The following CARNS1 variants were observed in gnomAD, a reference collection of about 807,000 sequenced individuals.
The protein encoded by CARNS1 is ATP-grasp domain containing 1.
A neutral mutation model predicts 74.0 loss-of-function variants in CARNS1; 61 were observed. The ratio of observed to expected loss-of-function variants is 0.82; its 90% CI spans 0.67 to 1.02. The LOEUF (loss-of-function observed/expected upper bound fraction) is 1.02. Ranked by LOEUF, CARNS1 falls within the 50% of genes least tolerant of loss-of-function variation. The pLI is 0.00. For missense variants in CARNS1, 1,278 were observed against 1,308.4 expected (o/e 0.98, Z 0.36); for synonymous variants, 568 against 605.5 (o/e 0.94, Z 0.91).
At chr11:67,416,374 G>A in intron 2 of CARNS1, 172 bp downstream of exon 2, 4 of 1,451,876 alleles carry the variant, frequency 2.8e-6, no homozygotes, top group African/African-American at 2.8e-5. Flanking sequence ...CTGGGAGGTG[G>A]GCACTCTTAG....
Position 67,421,223 on chromosome 11 carries a change from GGCGGGGC to G in CARNS1, c.1626+13_1626+19del. 6 of 1,485,238 alleles carry G rather than the reference GGCGGGGC, an allele frequency of 4.0e-6. No homozygotes were observed. Among genetic ancestry groups the G allele is most frequent in the Non-Finnish European group, 5.3e-6 (6 of 1,124,790 alleles). 92.0% of individuals were successfully genotyped at this position (1,485,238 alleles called of 1,614,324 possible). ...GGCGCGCGACTACGGGCTCCAGGTGGGCGGGGCGCGGGGCGGGGCTGGGCCCCAGGTC... is the reference window on the plus strand; with the variant it reads ...GGCGCGCGACTACGGGCTCCAGGTGGGCGGGGCGGGGCTGGGCCCCAGGTC... On this transcript the variant is annotated splice_donor_5th_base_variant and intron_variant, in intron 9 of 9. Transcript: ENST00000687366.
chr11:67,423,936 G>T lies in CARNS1; in HGVS notation c.2188G>T (p.Gly730Cys). The T allele has an allele frequency of 6.2e-7, 1 of 1,613,666 alleles. No homozygotes were observed. ...CATGCTGCTGATGGAGTTTGTGGAG[G>T]GCACCGAGCACGACGTGGACCTGGT... ...NAMLLMEFVE[G>C]TEHDVDLVLF... is the part of the protein sequence containing the mutation. Residue 730 changes from glycine (G) to cysteine (C), a missense_variant, in exon 10 of 10, where the codon GGC (glycine) becomes TGC (cysteine). Gly to Cys is a radical substitution (Grantham distance 159, BLOSUM62 -3). Around this residue, in one of 3 missense-constraint regions of CARNS1, gnomAD observed 1,164 missense variants for 1,156.5 expected, o/e 1.01. Transcript: ENST00000687366. The surrounding 1 kb of genome is among the most constrained non-coding windows in gnomAD (Gnocchi z 5.1).
chr11:67,420,910 G>A (rs1313336925), intron 8 of CARNS1, 29 bp from the exon 9 acceptor site: 4 of 1,357,368 alleles, frequency 2.9e-6, no homozygotes, highest in Admixed American at 3.6e-5. Context: ...GGCTGCCGTA[G>A]CTGAGCTCGC....
At position 67,423,680 on chromosome 11, in the gene CARNS1, G is replaced by A. The variant is rs150747587; in HGVS notation, c.1932G>A (p.Ala644=). The A allele has an allele frequency of 3.3e-5, 53 of 1,595,130 alleles. No homozygotes were observed. The highest frequency in any genetic ancestry group is 2.0e-4 in the East Asian group (9 of 44,098). The change falls in exon 10 of 10, where the codon GCG becomes GCA. Residue 644 remains alanine, a synonymous_variant. Transcript: ENST00000687366. This position sits in a 1 kb window ranked among gnomAD's most constrained non-coding sequence, Gnocchi z 5.1. The stretch of plus-strand genomic sequence containing the variant: ...ACCACCATGGCCCACCCTGGCCTGC[G>A]CCCTCCCTCCATGCTGTGCCCTGCT... ...LLHHHGPPWP[A]PSLHAVPCCP... is the part of the protein sequence containing the mutation.
At position 67,424,777 on chromosome 11, in the gene CARNS1, GA is replaced by G. The variant is rs1316409181; in HGVS notation, c.*177del. The G allele has an allele frequency of 2.8e-6, 2 of 721,968 alleles. No individual in the cohort carries two copies. The highest frequency in any genetic ancestry group is 4.5e-6 in the Non-Finnish European group (2 of 444,410). 44.7% of individuals were successfully genotyped at this position (721,968 alleles called of 1,614,324 possible). On this transcript the variant is annotated 3_prime_UTR_variant, in exon 10 of 10. Coordinates refer to ENST00000687366, the MANE Select transcript of CARNS1 (RefSeq NM_001166222.2). Reference sequence around the variant, plus strand: ...GCAATTTAGACACCAAGGCATCCTGGACTCAAGGGCCTCTTGCCCTCCCGAA... The same window carrying G: ...GCAATTTAGACACCAAGGCATCCTGGCTCAAGGGCCTCTTGCCCTCCCGAA...
rs777494776 is a variant in CARNS1 at position 67,424,326 on chromosome 11, G to T, written c.2578G>T (p.Val860Leu). 3.7e-6 allele frequency: 6 copies of T among 1,610,424 alleles called. No homozygotes were observed. Among genetic ancestry groups the T allele is most frequent in the East Asian group, 4.5e-5 (2 of 44,866 alleles). The stretch of plus-strand genomic sequence containing the variant: ...CCGCCCACGTGCTCGTGGCCATCTG[G>T]TGGGCGTCATGTGCCTTGTGTCCCA... ...PTRPRARGHL[V>L]GVMCLVSQHL... The change falls in exon 10 of 10, where the codon GTG becomes TTG. Residue 860 changes from valine to leucine, a missense_variant. By Grantham distance (32) the Val-to-Leu change is conservative. Transcript: ENST00000687366.
Position 67,425,140 on chromosome 11 carries a change from A to G in CARNS1, c.*539A>G. On this transcript the variant is annotated 3_prime_UTR_variant, in exon 10 of 10. Coordinates refer to ENST00000687366, the MANE Select transcript of CARNS1 (RefSeq NM_001166222.2). ...CTGCCTCATTCGGCCTGACCGGTAG[A>G]GGCAGGTGGCCTGTGGACAGAAGTA... 2.2e-6 allele frequency: 1 copy of G among 452,618 alleles called. No individual in the cohort carries two copies. The highest frequency in any genetic ancestry group is 3.3e-4 in the Middle Eastern group (1 of 3,050). 28.0% of individuals were successfully genotyped at this position (452,618 alleles called of 1,614,324 possible). A position where few individuals can be genotyped will look rare whatever the true frequency, so the allele number is the denominator to read the frequency against.
Position 67,423,578 on chromosome 11 carries a change from G to T in CARNS1, c.1830G>T (p.Glu610Asp). The T allele has an allele frequency of 6.2e-7, 1 of 1,610,708 alleles. No homozygotes were observed. Among genetic ancestry groups the T allele is most frequent in the Non-Finnish European group, 8.5e-7 (1 of 1,178,610 alleles). The change falls in exon 10 of 10, where the codon GAG (glutamate) becomes GAT (aspartate). Residue 610 changes from glutamate to aspartate, a missense_variant. This residue lies in a region of CARNS1 where 1,164 missense variants were observed against 1,156.5 expected (regional missense o/e 1.01). Transcript: ENST00000687366. This position sits in a 1 kb window ranked among gnomAD's most constrained non-coding sequence, Gnocchi z 5.1. ...CLVLTALLCQ[E>D]LGLPCSSPAA... is the part of the protein sequence containing the mutation. ...TGCTCACAGCCCTGCTCTGCCAGGA[G>T]CTAGGTCTGCCCTGCAGCTCCCCAG...
rs1863537436 is a variant in CARNS1, at chr11:67,416,033, G to T, written c.-24-143G>T. The T allele has an allele frequency of 7.6e-6, 5 of 660,994 alleles. No individual in the cohort carries two copies. In the South Asian group the frequency reaches 8.2e-5, roughly 11 times the overall value. The allele number at this position is 660,994 out of a possible 1,614,324, so 40.9% of individuals were successfully genotyped here. A position where few individuals can be genotyped will look rare whatever the true frequency, so the allele number is the denominator to read the frequency against. On this transcript the variant is annotated intron_variant, in intron 1 of 9. Coordinates refer to ENST00000687366, the MANE Select transcript of CARNS1 (RefSeq NM_001166222.2). ...AGAAATCCCTCCCTACCTTCGGGGT[G>T]GGGGTGGGGCTGCCTTGGCCTCTCT...
rs374515404 is a variant in CARNS1, at chr11:67,423,728, T to C, written c.1980T>C (p.Asp660=). 9 of 1,579,470 alleles carry C rather than the reference T, an allele frequency of 5.7e-6. No homozygotes were observed. Among genetic ancestry groups the C allele is most frequent in the Non-Finnish European group, 7.7e-6 (9 of 1,168,018 alleles). ...VPCCPLESEA[D]VERAVHQVPL... ...GCTGCCCACTGGAGAGTGAGGCTGA[T>C]GTGGAGAGGGCCGTGCACCAGGTAC... Residue 660 remains aspartate, a synonymous_variant, in exon 10 of 10, where the codon GAT becomes GAC. Transcript: ENST00000687366. The surrounding 1 kb of genome is among the most constrained non-coding windows in gnomAD (Gnocchi z 5.1).
intron 4 of CARNS1, 97 bp downstream of exon 4, chr11:67,418,617 T>C: frequency 2.8e-6 from 4 of 1,434,336 alleles, no homozygotes; most frequent in Non-Finnish European, 3.7e-6. Context: ...CCCTGGCAAC[T>C]GCCTGCATTC....
chr11:67,420,800 C>A lies in CARNS1; in HGVS notation c.1305C>A (p.Ala435=). 1.6e-6 allele frequency: 2 copies of A among 1,229,290 alleles called. No homozygotes were observed. Among genetic ancestry groups the A allele is most frequent in the Non-Finnish European group, 2.0e-6 (2 of 987,596 alleles). The allele number at this position is 1,229,290 out of a possible 1,614,324, so 76.1% of individuals were successfully genotyped here. A position where few individuals can be genotyped will look rare whatever the true frequency, so the allele number is the denominator to read the frequency against. ...TGGCTCTGGAGGCCGGCCTGAGTGC[C>A]GAGCAGCGCGGCGGGCGCCGGGCGC... ...AVLALEAGLS[A]EQRGGRRAHT... Residue 435 remains alanine (A), a synonymous_variant, in exon 8 of 10, where the codon GCC becomes GCA. Coordinates refer to ENST00000687366, the MANE Select transcript of CARNS1 (RefSeq NM_001166222.2).
chr11:67,419,873 C>T (rs1366221320), intron 7 of CARNS1, 35 bp downstream of exon 7: 6 of 1,548,760 alleles, frequency 3.9e-6, no homozygotes, highest in Non-Finnish European at 5.2e-6. Flanking sequence ...GTGACCCTGC[C>T]TGCCACACGC....
Position 67,418,980 on chromosome 11 carries a change from A to ACCTGC in CARNS1, c.592_596dup (p.Thr200AlafsTer18), listed in dbSNP as rs1167084109. ...GGCAGCAGAACTCGCCCGTGACCTG[A>ACCTGC]CCTGCCCCACAGGAGCTTCGGCTGA... On this transcript the variant is annotated frameshift_variant, in exon 5 of 10. Coordinates refer to ENST00000687366, the MANE Select transcript of CARNS1 (RefSeq NM_001166222.2). LOFTEE classifies it high-confidence loss of function. The ACCTGC allele has an allele frequency of 6.4e-7, 1 of 1,565,166 alleles. No homozygotes were observed. Among genetic ancestry groups the ACCTGC allele is most frequent in the Non-Finnish European group, 8.7e-7 (1 of 1,155,734 alleles).
rs990934959 is a variant in CARNS1, at chr11:67,421,081, G to A, written c.1488G>A (p.Ala496=). Residue 496 remains alanine, a synonymous_variant, in exon 9 of 10, where the codon GCG becomes GCA. Coordinates refer to ENST00000687366, the MANE Select transcript of CARNS1 (RefSeq NM_001166222.2). ...APRLGPAADE[A]VAAPLVETML... The stretch of plus-strand genomic sequence containing the variant: ...GGCTGGGGCCGGCGGCCGACGAGGC[G>A]GTGGCGGCGCCGCTGGTGGAGACCA... 5.1e-6 allele frequency: 7 copies of A among 1,377,056 alleles called. No homozygotes were observed. In the South Asian group the frequency reaches 1.0e-4, roughly 20 times the overall value. 85.3% of individuals were successfully genotyped at this position (1,377,056 alleles called of 1,614,324 possible).
At chr11:67,416,347 C>A (rs1221600480) in intron 2 of CARNS1, 145 bp downstream of exon 2, 3 of 1,470,644 alleles carry the variant, frequency 2.0e-6, no homozygotes, top group Admixed American at 2.2e-5. Context: ...CCCCCACCCC[C>A]ACCCTGCGGC....
rs753793949 is a variant in CARNS1 at position 67,424,623 on chromosome 11, A to C, written c.*22A>C. 6.3e-7 allele frequency: 1 copy of C among 1,587,154 alleles called. No homozygotes were observed. Among genetic ancestry groups the C allele is most frequent in the South Asian group, 1.1e-5 (1 of 87,492 alleles). Reference sequence around the variant, plus strand: ...ATAGCACTGGGGTCAGGGGGCAGGGAAGCAGTGCTGGGTGGAGGCACTGTG... The same window carrying C: ...ATAGCACTGGGGTCAGGGGGCAGGGCAGCAGTGCTGGGTGGAGGCACTGTG... On this transcript the variant is annotated 3_prime_UTR_variant, in exon 10 of 10. Transcript: ENST00000687366.
Position 67,418,922 on chromosome 11 carries a change from AGGCCTG to A in CARNS1, c.540_545del (p.Leu181_Gly182del), listed in dbSNP as rs1565135143. ...CGCGCCGTGCCACCTACTTTTTGGC[AGGCCTG>A]GGCCTGGGGCCTGGCCGGGGCCGAG... On this transcript the variant is annotated inframe_deletion, in exon 5 of 10. Transcript: ENST00000687366. 3 of 1,588,106 alleles carry A rather than the reference AGGCCTG, an allele frequency of 1.9e-6. No individual in the cohort carries two copies. The highest frequency in any genetic ancestry group is 1.3e-5 in the African/African-American group (1 of 74,456).
At chr11:67,416,341 C>A (rs936423854) in intron 2 of CARNS1, 139 bp downstream of exon 2, 12 of 1,477,038 alleles carry the variant, frequency 8.1e-6, no homozygotes, top group Non-Finnish European at 1.1e-5. Context: ...CCAGCTCCCC[C>A]ACCCCCACCC....
Sources: allele counts gnomAD v4.1 joint callset, GRCh38; gene constraint gnomAD v4.1.1; regional missense constraint gnomAD v4.1.1; non-coding constraint Gnocchi (gnomAD v3.1); transcripts MANE v1.5; gene names NCBI Gene and HGNC (gene_info 2026-07-23, HGNC 2026-07-21).